The following SLC6A11 variants were observed in gnomAD, a reference collection of about 807,000 sequenced individuals.
SLC6A11 encodes the protein sodium- and chloride-dependent GABA transporter 3.
A neutral mutation model predicts 74.8 loss-of-function variants in SLC6A11; 25 were observed. The ratio of observed to expected loss-of-function variants is 0.33; its 90% CI spans 0.24 to 0.47. The LOEUF (loss-of-function observed/expected upper bound fraction) is 0.47, where lower values mean the gene tolerates loss of function less well. SLC6A11 is among the 20% of genes least tolerant of loss of function. The probability of loss-of-function intolerance (pLI) is 1.00; values close to 1 mark genes in which losing one functional copy is unlikely to be tolerated. For missense variants in SLC6A11, 574 were observed against 837.0 expected (o/e 0.69, Z 3.88); for synonymous variants, 330 against 330.2 (o/e 1.00, Z 0.01).
chr3:10,846,595 G>A (rs907920584), intron 5 of SLC6A11, among the ~76,000 whole-genome samples: 18 of 152,218 alleles, frequency 1.2e-4, no homozygotes, highest in Non-Finnish European at 1.8e-4. Context: ...CTGACTGGGC[G>A]ATTAAGTCTG....
At chr3:10,848,476 C>A (rs1694532625) in intron 5 of SLC6A11, among the ~76,000 whole-genome samples, 2 of 152,224 alleles carry the variant, frequency 1.3e-5, no homozygotes. Context: ...ACCCCAGGGT[C>A]TGATGAGCAA....
Position 10,937,306 on chromosome 3 carries a change from G to A in SLC6A11, c.1747-944G>A, listed in dbSNP as rs188145852. Among the ~76,000 whole-genome samples the A allele has an allele frequency of 4.0e-3, 613 of 152,274 alleles. 1 individual carries two copies. Among genetic ancestry groups the A allele is most frequent in the Admixed American group, 6.3e-3 (97 of 15,302 alleles). Reference sequence around the variant, plus strand: ...AAACCCAGGCACCTGGCTTTGGAACGCGTGCTCTAGCCCCAGATCCATGCC... The same window carrying A: ...AAACCCAGGCACCTGGCTTTGGAACACGTGCTCTAGCCCCAGATCCATGCC... On this transcript the variant is annotated intron_variant, in intron 13 of 13. Transcript: ENST00000254488.
At chr3:10,889,284 A>G (rs528252776) in intron 6 of SLC6A11, among the ~76,000 whole-genome samples, 1 of 152,216 alleles carries the variant, frequency 6.6e-6, no homozygotes, top group South Asian at 2.1e-4. Flanking sequence ...TATTAATTAA[A>G]TCCATAGTTG....
Position 10,912,196 on chromosome 3 carries a change from GA to G in SLC6A11, c.995+4del. 1 of 1,595,968 alleles carries G rather than the reference GA, an allele frequency of 6.3e-7. No homozygotes were observed. The highest frequency in any genetic ancestry group is 8.6e-7 in the Non-Finnish European group (1 of 1,163,532). Reference sequence around the variant, plus strand: ...AATTATAACAACAACTGCTACAGGTGAGCATTTCCCTGGGCCCTGCCAGCTC... The same window carrying G: ...AATTATAACAACAACTGCTACAGGTGGCATTTCCCTGGGCCCTGCCAGCTC... On this transcript the variant is annotated splice_donor_region_variant and intron_variant, in intron 7 of 13. Coordinates refer to ENST00000254488, the MANE Select transcript of SLC6A11 (RefSeq NM_014229.3).
chr3:10,934,907 GAAA>G, intron 12 of SLC6A11, 119 bp from the exon 13 acceptor site: 1 of 848,738 alleles, frequency 1.2e-6, no homozygotes, highest in South Asian at 1.6e-5. Flanking sequence ...TCATGGCTGT[GAAA>G]CAGGGCCAGC....
chr3:10,861,611 T>G (rs1183948044), intron 5 of SLC6A11, among the ~76,000 whole-genome samples: 1 of 151,910 alleles, frequency 6.6e-6, no homozygotes, highest in Non-Finnish European at 1.5e-5. Flanking sequence ...ACTAGAAAAG[T>G]CCAATGAAGG....
chr3:10,844,130 C>A, intron 4 of SLC6A11, 84 bp from the exon 5 acceptor site: 2 of 1,535,040 alleles, frequency 1.3e-6, no homozygotes, highest in South Asian at 1.2e-5. Flanking sequence ...AGCACATGGG[C>A]CCATCCCTGC....
intron 4 of SLC6A11, among the ~76,000 whole-genome samples, chr3:10,828,790 A>C (rs1694251122): frequency 6.6e-6 from 1 of 152,072 alleles, no homozygotes; most frequent in Non-Finnish European, 1.5e-5. Context: ...ACTCTTTCTT[A>C]ATGCCCCATC....
At chr3:10,873,409 C>CCTATCCTATG (rs1694853388) in intron 5 of SLC6A11, among the ~76,000 whole-genome samples, 6 of 124,066 alleles carry the variant, frequency 4.8e-5, no homozygotes, top group South Asian at 5.4e-4. Flanking sequence ...GCTATCCTAT[C>CCTATCCTATG]CTATCCTATC....
rs1420363904 is a variant in SLC6A11 at position 10,918,564 on chromosome 3, C to T, written c.1120+111C>T. 2.3e-6 allele frequency: 3 copies of T among 1,295,224 alleles called. No homozygotes were observed. The highest frequency in any genetic ancestry group is 1.6e-5 in the African/African-American group (1 of 64,278). 80.2% of individuals were successfully genotyped at this position (1,295,224 alleles called of 1,614,324 possible). A position where few individuals can be genotyped will look rare whatever the true frequency, so the allele number is the denominator to read the frequency against. ...GCTCACACATCTCCTGGATTCAGGC[C>T]TCAGAAAGGGGCCCCACCATTCATC... On this transcript the variant is annotated intron_variant, in intron 8 of 13. Transcript: ENST00000254488. This position sits in a 1 kb window ranked among gnomAD's most constrained non-coding sequence, Gnocchi z 4.5.
intron 1 of SLC6A11, among the ~76,000 whole-genome samples, chr3:10,818,687 C>T (rs780701960): frequency 3.3e-5 from 5 of 152,116 alleles, no homozygotes; most frequent in South Asian, 2.1e-4. Context: ...TTTCATGCTT[C>T]GTTATTAGAC....
intron 6 of SLC6A11, among the ~76,000 whole-genome samples, chr3:10,905,313 G>T (rs182166897): frequency 4.9e-4 from 75 of 152,314 alleles, no homozygotes; most frequent in African/African-American, 1.7e-3. Context: ...TATGTATTTG[G>T]GAGTGAAGGC....
At position 10,819,488 on chromosome 3, in the gene SLC6A11, G is replaced by A. The variant is rs1162900773; in HGVS notation, c.280G>A (p.Val94Met). 3 of 1,613,890 alleles carry A rather than the reference G, an allele frequency of 1.9e-6. No homozygotes were observed. The Admixed American group carries it at 5.0e-5, about 27-fold the overall frequency. ...AGGGGCATTCCTGATTCCCTACGTG[G>A]TGTTTTTTATTTGCTGTGGAATTCC... ...GGGAFLIPYV[V>M]FFICCGIPVF... The change falls in exon 2 of 14, where the codon GTG becomes ATG. Residue 94 changes from valine (V) to methionine (M), a missense_variant. By Grantham distance (21) the Val-to-Met change is conservative. Transcript: ENST00000254488.
chr3:10,936,853 G>A (rs745339440), intron 13 of SLC6A11, among the ~76,000 whole-genome samples: 3 of 152,176 alleles, frequency 2.0e-5, no homozygotes, highest in Non-Finnish European at 2.9e-5. Flanking sequence ...GTGTGGGCGG[G>A]AAAGCAGGGG....
chr3:10,901,375 G>C (rs985032987), intron 6 of SLC6A11, among the ~76,000 whole-genome samples: 2 of 152,178 alleles, frequency 1.3e-5, no homozygotes, highest in Non-Finnish European at 2.9e-5. Flanking sequence ...CACACAAAGG[G>C]GCCACCGGGG....
At chr3:10,927,032 T>C (rs1370094701) in intron 9 of SLC6A11, among the ~76,000 whole-genome samples, 1 of 152,132 alleles carries the variant, frequency 6.6e-6, no homozygotes, top group Non-Finnish European at 1.5e-5. Flanking sequence ...GCCCAGCCTG[T>C]GGGAGTGCCG....
chr3:10,887,113 A>G (rs1280151670), intron 6 of SLC6A11, among the ~76,000 whole-genome samples: 1 of 152,104 alleles, frequency 6.6e-6, no homozygotes, highest in Admixed American at 6.6e-5. Flanking sequence ...GGATGGATGG[A>G]TGGATGGAAG....
At chr3:10,877,925 C>T (rs1315831309) in intron 6 of SLC6A11, among the ~76,000 whole-genome samples, 2 of 152,246 alleles carry the variant, frequency 1.3e-5, no homozygotes, top group Admixed American at 1.3e-4. Flanking sequence ...TTGATGGGCC[C>T]CACTCCACCT....
At chr3:10,888,277 A>G (rs1559572516) in intron 6 of SLC6A11, among the ~76,000 whole-genome samples, 1 of 152,224 alleles carries the variant, frequency 6.6e-6, no homozygotes, top group African/African-American at 2.4e-5. Context: ...GTGAAAAAGC[A>G]CATTATAGCT....
Sources: gnomAD v4.1 joint callset for allele counts (sites outside exome capture counted in the v4.1 genomes callset) on GRCh38, gnomAD v4.1.1 for gene constraint, Gnocchi (gnomAD v3.1) non-coding constraint, MANE v1.5 for transcripts, NCBI Gene and HGNC (gene_info 2026-07-23, HGNC 2026-07-21) for gene names.